Variants in GLB1L2 observed in about 807,000 individuals in gnomAD.
The protein encoded by GLB1L2 is beta-galactosidase-1-like protein 2.
A neutral mutation model predicts 84.1 loss-of-function variants in GLB1L2; 68 were observed. The ratio of observed to expected loss-of-function variants is 0.81; its 90% CI spans 0.67 to 0.99. GLB1L2 has a LOEUF of 0.99. Among genes scored for constraint, GLB1L2 ranks in the 50% least tolerant of loss-of-function variants. The pLI, the probability that GLB1L2 is intolerant of heterozygous loss-of-function variation, is 0.00. For synonymous variants in GLB1L2, 290 were observed against 318.0 expected (o/e 0.91, Z 0.94); for missense variants, 762 against 805.6 (o/e 0.95, Z 0.66).
chr11:134,348,427 G>A (rs1415646110), intron 5 of GLB1L2, among the ~76,000 whole-genome samples: 1 of 152,224 alleles, frequency 6.6e-6, no homozygotes, highest in Non-Finnish European at 1.5e-5. Flanking sequence ...GGATCAGCAG[G>A]TTGTAGGAGT....
In GLB1L2 at chr11:134,370,166, G is replaced by A; in HGVS notation, c.1109-127G>A. On this transcript the variant is annotated intron_variant, in intron 11 of 18. Transcript: ENST00000535456. The surrounding 1 kb of genome is among the most constrained non-coding windows in gnomAD (Gnocchi z 4.7). ...TGGCCTCAGCAGGTGCTGAGAGCTA[G>A]CCTGTTGTTCCTCTTGGTGCTGGGA... 4.7e-6 allele frequency: 4 copies of A among 843,576 alleles called. No homozygotes were observed. Among genetic ancestry groups the A allele is most frequent in the South Asian group, 4.5e-5 (3 of 66,350 alleles). 52.3% of individuals were successfully genotyped at this position (843,576 alleles called of 1,614,324 possible).
intron 15 of GLB1L2, chr11:134,372,650 A>G (rs1943972523): frequency 6.6e-6 from 1 of 152,252 alleles, no homozygotes; most frequent in South Asian, 2.1e-4. Flanking sequence ...TGTGGTGAGC[A>G]GCACCGGTGA....
At chr11:134,369,739 G>A (rs1943920394) in intron 10 of GLB1L2, 66 bp from the exon 11 acceptor site, 4 of 1,433,146 alleles carry the variant, frequency 2.8e-6, no homozygotes, top group Middle Eastern at 3.7e-4. Flanking sequence ...GCTTCTCCCT[G>A]TTCTTCGTGC....
At chr11:134,354,266 A>G (rs1167922719) in intron 5 of GLB1L2, among the ~76,000 whole-genome samples, 1 of 151,684 alleles carries the variant, frequency 6.6e-6, no homozygotes, top group African/African-American at 2.4e-5. Context: ...CCTAACTTCA[A>G]CTGCACACAA....
intron 5 of GLB1L2, among the ~76,000 whole-genome samples, chr11:134,350,660 T>C (rs1195435636): frequency 6.6e-6 from 1 of 152,244 alleles, no homozygotes; most frequent in Non-Finnish European, 1.5e-5. Context: ...AATTTCGTGT[T>C]CCAGCAGGAC....
Position 134,342,918 on chromosome 11 carries a change from A to G in GLB1L2, c.251A>G (p.Lys84Arg). 6.2e-7 allele frequency: 1 copy of G among 1,613,844 alleles called. No homozygotes were observed. The highest frequency in any genetic ancestry group is 8.5e-7 in the Non-Finnish European group (1 of 1,179,862). Residue 84 changes from lysine (K) to arginine (R), a missense_variant, in exon 2 of 19, where the codon AAG (lysine) becomes AGG (arginine). This residue lies in a region of GLB1L2 where 59 missense variants were observed against 105.1 expected (regional missense o/e 0.56). Coordinates refer to ENST00000535456, the MANE Select transcript of GLB1L2 (RefSeq NM_001370461.1). ...GAGTACTGGAGGGACCGCCTGCTGA[A>G]GATGAAGGCCTGTGGCTTGAACACC... is the stretch of plus-strand genomic sequence containing the variant. ...PREYWRDRLLKMKACGLNTLT... is the reference protein window; with the variant it reads ...PREYWRDRLLRMKACGLNTLT...
At chr11:134,351,855 C>T (rs533743151) in intron 5 of GLB1L2, among the ~76,000 whole-genome samples, 1 of 152,064 alleles carries the variant, frequency 6.6e-6, no homozygotes, top group East Asian at 1.9e-4. Context: ...AAAGTGTCAA[C>T]TTTTTTTGAC....
rs1449979609 is a variant in GLB1L2, at chr11:134,375,281, C to T, written c.*223C>T. ...GGCTTTGTTGATGATGGCTTTCCTA[C>T]AGCCCTGCTCTTGTGCCGAGGCTGT... On this transcript the variant is annotated 3_prime_UTR_variant, in exon 19 of 19. Transcript: ENST00000535456. The T allele has an allele frequency of 9.6e-6, 5 of 521,232 alleles. No individual in the cohort carries two copies. The East Asian group carries it at 1.3e-4, about 14-fold the overall frequency. 32.3% of individuals were successfully genotyped at this position (521,232 alleles called of 1,614,324 possible).
chr11:134,371,955 CCCATACATGAGGCCAGT>C, intron 15 of GLB1L2, 125 bp downstream of exon 15: 1 of 879,592 alleles, frequency 1.1e-6, no homozygotes, highest in Admixed American at 2.0e-5. Context: ...GCTGGGTTGT[CCCATACATGAGGCCAGT>C]TCTGAGTGGG....
Position 134,374,803 on chromosome 11 carries a change from G to A in GLB1L2, c.1824+85G>A, listed in dbSNP as rs571183157. 280 of 1,209,954 alleles carry A rather than the reference G, an allele frequency of 2.3e-4. 1 individual carries two copies. The highest frequency in any genetic ancestry group is 6.3e-4 in the East Asian group (27 of 42,728). 75.0% of individuals were successfully genotyped at this position (1,209,954 alleles called of 1,614,324 possible). A position where few individuals can be genotyped will look rare whatever the true frequency, so the allele number is the denominator to read the frequency against. On this transcript the variant is annotated intron_variant, in intron 18 of 18. Transcript: ENST00000535456. ...GAGCCTTCGGTCAGGGTGGAGGGGCGTGTCAGCGGGTTCTTCCTCCCTCCT... is the reference window on the plus strand; with the variant it reads ...GAGCCTTCGGTCAGGGTGGAGGGGCATGTCAGCGGGTTCTTCCTCCCTCCT...
At chr11:134,355,986 G>GA (rs769651240) in intron 5 of GLB1L2, 1 of 513,596 alleles carries the variant, frequency 1.9e-6, no homozygotes, top group Middle Eastern at 2.9e-4. Flanking sequence ...AAGAACTTGT[G>GA]AAAACATCAT....
intron 9 of GLB1L2, among the ~76,000 whole-genome samples, chr11:134,367,934 G>A (rs1467695280): frequency 6.6e-6 from 1 of 152,172 alleles, no homozygotes; most frequent in African/African-American, 2.4e-5. Context: ...TGAGCATCCC[G>A]GAGCCTGCGC....
intron 1 of GLB1L2, among the ~76,000 whole-genome samples, chr11:134,336,180 C>T (rs753494223): frequency 6.6e-6 from 1 of 152,158 alleles, no homozygotes. Flanking sequence ...TGACACTCAG[C>T]GAAACAGTCA....
chr11:134,363,471 CAGGATA>C (rs1943825365), intron 7 of GLB1L2, among the ~76,000 whole-genome samples: 1 of 152,192 alleles, frequency 6.6e-6, no homozygotes, highest in South Asian at 2.1e-4. Context: ...TGAGGGGCCC[CAGGATA>C]AGGCTGTGCC....
Position 134,367,278 on chromosome 11 carries a change from A to T in GLB1L2, c.826A>T (p.Met276Leu). Residue 276 changes from methionine to leucine, a missense_variant, in exon 9 of 19, where the codon ATG becomes TTG. Physicochemically the swap from Met to Leu is conservative, Grantham distance 15. Coordinates refer to ENST00000535456, the MANE Select transcript of GLB1L2 (RefSeq NM_001370461.1). Reference protein sequence around the residue: ...NVQGTQPKMVMEYWTGWFDSW... With the variant: ...NVQGTQPKMVLEYWTGWFDSW... ...CCAGGGGACTCAGCCCAAGATGGTG[A>T]TGGAGTACTGGACGGGGTGGTTTGA... 6.2e-7 allele frequency: 1 copy of T among 1,614,146 alleles called. No homozygotes were observed. The highest frequency in any genetic ancestry group is 2.2e-5 in the East Asian group (1 of 44,890).
intron 4 of GLB1L2, among the ~76,000 whole-genome samples, chr11:134,346,053 A>G (rs763756639): frequency 2.2e-4 from 33 of 152,126 alleles, no homozygotes; most frequent in Non-Finnish European, 4.4e-4. Context: ...CCAGTGTACC[A>G]GGTGGTTAGA....
chr11:134,333,462 G>C (rs964005414), intron 1 of GLB1L2, among the ~76,000 whole-genome samples: 1 of 152,196 alleles, frequency 6.6e-6, no homozygotes, highest in African/African-American at 2.4e-5. Flanking sequence ...GGGTAGCAAG[G>C]CGTGCAAGCT....
Position 134,375,201 on chromosome 11 carries a change from CT to C in GLB1L2, c.*144del. ...AGGGACTGGGGGCTACAGTCTGCCC[CT>C]GTCTCAGCTCAAAACCCTAAGCCTG... On this transcript the variant is annotated 3_prime_UTR_variant, in exon 19 of 19. Transcript: ENST00000535456. 4.7e-6 allele frequency: 3 copies of C among 638,632 alleles called. No homozygotes were observed. The highest frequency in any genetic ancestry group is 2.9e-5 in the Admixed American group (1 of 34,274). 39.6% of individuals were successfully genotyped at this position (638,632 alleles called of 1,614,324 possible).
intron 2 of GLB1L2, 87 bp downstream of exon 2, chr11:134,343,038 CCA>C: frequency 7.2e-7 from 1 of 1,390,666 alleles, no homozygotes; most frequent in Non-Finnish European, 9.8e-7. Context: ...AGGAACCGGC[CCA>C]GGTCCTCTGC....
Sources: allele counts gnomAD v4.1 joint callset (sites outside exome capture counted in the v4.1 genomes callset), GRCh38; gene constraint gnomAD v4.1.1; regional missense constraint gnomAD v4.1.1; non-coding constraint Gnocchi (gnomAD v3.1); transcripts MANE v1.5; gene names NCBI Gene and HGNC (gene_info 2026-07-23, HGNC 2026-07-21).